SLC25A24: variants seen among roughly 807,000 people sequenced by gnomAD.
The protein encoded by SLC25A24 is solute carrier family 25 member 24.
Under a neutral mutation model 60.7 loss-of-function variants are expected in SLC25A24, and 49 were observed. The observed-to-expected ratio is 0.81, with a 90% CI of 0.64 to 1.02. SLC25A24 has a LOEUF of 1.02. Ranked by LOEUF, SLC25A24 falls within the 50% of genes least tolerant of loss-of-function variation. SLC25A24 has a pLI of 0.00. For synonymous variants in SLC25A24, 202 were observed against 200.6 expected (o/e 1.01, Z -0.06); for missense variants, 564 against 586.3 (o/e 0.96, Z 0.39).
intron 6 of SLC25A24, among the ~76,000 whole-genome samples, chr1:108,150,549 C>G (rs902704060): frequency 3.9e-5 from 6 of 152,132 alleles, no homozygotes; most frequent in Non-Finnish European, 8.8e-5. Context: ...CCACTTCCTC[C>G]CTCATTCTCA....
intron 1 of SLC25A24, among the ~76,000 whole-genome samples, chr1:108,187,945 T>TATATATATATATATATATATATATATATA (rs1648203072): frequency 2.8e-5 from 4 of 144,502 alleles, no homozygotes; most frequent in African/African-American, 5.1e-5. Flanking sequence ...TATATATATA[T>TATATATATATATATATATATATATATATA]TCATGCACTG....
intron 4 of SLC25A24, among the ~76,000 whole-genome samples, chr1:108,157,863 ACTTT>A (rs761308449): frequency 3.5e-4 from 53 of 152,236 alleles, no homozygotes; most frequent in Non-Finnish European, 6.0e-4. Context: ...AACAGTTACA[ACTTT>A]CTTTCATTCA....
chr1:108,149,059 A>T (rs1247153678), intron 6 of SLC25A24, among the ~76,000 whole-genome samples: 2 of 152,212 alleles, frequency 1.3e-5, no homozygotes, highest in Non-Finnish European at 2.9e-5. Flanking sequence ...TACAAGGTTA[A>T]TCAAGTTTTC....
Position 108,139,072 on chromosome 1 carries a change from C to G in SLC25A24, c.1235G>C (p.Arg412Pro). Reference sequence around the variant, plus strand: ...CAAAAATTCACCTTGAGCCTGCATGCGAGTTCTCACCAAAGCCAATGGGTA... The same window carrying G: ...CAAAAATTCACCTTGAGCCTGCATGGGAGTTCTCACCAAAGCCAATGGGTA... Reference protein sequence around the residue: ...ASYPLALVRTRMQAQAMLEGS... With the variant: ...ASYPLALVRTPMQAQAMLEGS... Residue 412 changes from arginine (R) to proline (P), a missense_variant, in exon 9 of 10, where the codon CGC becomes CCC. By Grantham distance (103) the Arg-to-Pro change is moderately radical (BLOSUM62 -2). Transcript: ENST00000565488. 1 of 1,596,970 alleles carries G rather than the reference C, an allele frequency of 6.3e-7. No homozygotes were observed. Among genetic ancestry groups the G allele is most frequent in the Non-Finnish European group, 8.5e-7 (1 of 1,172,766 alleles).
chr1:108,164,154 G>C (rs1311629451), intron 3 of SLC25A24, among the ~76,000 whole-genome samples: 1 of 150,984 alleles, frequency 6.6e-6, no homozygotes, highest in Non-Finnish European at 1.5e-5. Flanking sequence ...ACTTGATCAT[G>C]GTGGATAAGC....
chr1:108,158,447 C>T (rs1571288174), intron 4 of SLC25A24, among the ~76,000 whole-genome samples: 1 of 152,138 alleles, frequency 6.6e-6, no homozygotes, highest in Non-Finnish European at 1.5e-5. Context: ...GTAGTCTCAA[C>T]TGTTATCAAC....
chr1:108,160,308 C>A (rs1680031789), intron 4 of SLC25A24, among the ~76,000 whole-genome samples: 2 of 150,792 alleles, frequency 1.3e-5, no homozygotes, highest in Admixed American at 1.3e-4. Flanking sequence ...TCCTCACTTC[C>A]TAGATGGGAT....
intron 2 of SLC25A24, among the ~76,000 whole-genome samples, chr1:108,185,555 T>C (rs943596220): frequency 1.4e-4 from 22 of 152,188 alleles, no homozygotes; most frequent in African/African-American, 5.1e-4. Flanking sequence ...TAATGTTCCA[T>C]AGTTAACATT....
At chr1:108,144,709 C>T (rs1679539606) in intron 7 of SLC25A24, among the ~76,000 whole-genome samples, 1 of 152,140 alleles carries the variant, frequency 6.6e-6, no homozygotes, top group African/African-American at 2.4e-5. Flanking sequence ...TGTTAGGTTG[C>T]TGAGAATGAT....
chr1:108,143,756 T>C, intron 7 of SLC25A24, 46 bp from the exon 8 acceptor site: 1 of 1,431,346 alleles, frequency 7.0e-7, no homozygotes, highest in Admixed American at 1.9e-5. Context: ...ATTAACTCTA[T>C]CATCATGGGA....
intron 7 of SLC25A24, among the ~76,000 whole-genome samples, chr1:108,145,934 T>C (rs1011244754): frequency 9.9e-5 from 15 of 152,220 alleles, no homozygotes; most frequent in African/African-American, 3.6e-4. Flanking sequence ...TCTATTTCTG[T>C]GAAGAAATTC....
In SLC25A24 at chr1:108,136,420, A is replaced by G; in HGVS notation, c.*233T>C. 2.6e-6 allele frequency: 1 copy of G among 390,790 alleles called. No individual in the cohort carries two copies. Among genetic ancestry groups the G allele is most frequent in the East Asian group, 4.3e-5 (1 of 23,420 alleles). 24.2% of individuals were successfully genotyped at this position (390,790 alleles called of 1,614,324 possible). On this transcript the variant is annotated 3_prime_UTR_variant, in exon 10 of 10. Transcript: ENST00000565488. ...CAGAGATTTGCAGGATTATTAAGAA[A>G]AGATAAAGTATAATTGTGTGGCCTT...
intron 1 of SLC25A24, among the ~76,000 whole-genome samples, chr1:108,187,032 G>A (rs1020045633): frequency 6.7e-5 from 10 of 148,596 alleles, no homozygotes; most frequent in Non-Finnish European, 1.5e-4. Context: ...AGCCGAGATC[G>A]CACCATTGCA....
At chr1:108,190,590 T>C (rs1648312271) in intron 1 of SLC25A24, among the ~76,000 whole-genome samples, 1 of 152,190 alleles carries the variant, frequency 6.6e-6, no homozygotes, top group African/African-American at 2.4e-5. Flanking sequence ...GTTTCTCAAC[T>C]TTCACAGGAA....
chr1:108,195,723 C>T (rs1648473778), intron 1 of SLC25A24, among the ~76,000 whole-genome samples: 1 of 152,076 alleles, frequency 6.6e-6, no homozygotes, highest in Admixed American at 6.5e-5. Context: ...AATGGGCTGG[C>T]CATGGTAGCT....
intron 3 of SLC25A24, among the ~76,000 whole-genome samples, chr1:108,167,360 C>T (rs1236990037): frequency 6.6e-6 from 1 of 151,944 alleles, no homozygotes; most frequent in African/African-American, 2.4e-5. Flanking sequence ...CTAAGCAAGC[C>T]TGGGCAATGG....
chr1:108,182,497 A>G, intron 2 of SLC25A24, among the ~76,000 whole-genome samples: 1 of 144,338 alleles, frequency 6.9e-6, no homozygotes, highest in East Asian at 2.1e-4. Context: ...GAAGTAGTAA[A>G]TGAGGAAATA....
chr1:108,139,891 C>T (rs189298461), intron 8 of SLC25A24, among the ~76,000 whole-genome samples: 2 of 152,196 alleles, frequency 1.3e-5, no homozygotes, highest in Non-Finnish European at 2.9e-5. Flanking sequence ...AGATTATAGG[C>T]ATGAGCCACC....
intron 5 of SLC25A24, among the ~76,000 whole-genome samples, chr1:108,155,504 T>C (rs573478563): frequency 3.1e-4 from 47 of 151,800 alleles, no homozygotes; most frequent in African/African-American, 1.1e-3. Flanking sequence ...TAAAAAAGTA[T>C]ACTGCAGATA....
Sources: allele counts gnomAD v4.1 joint callset (sites outside exome capture counted in the v4.1 genomes callset), GRCh38; gene constraint gnomAD v4.1.1; transcripts MANE v1.5; gene names NCBI Gene and HGNC (gene_info 2026-07-23, HGNC 2026-07-21).